The following SNX29 variants were observed in gnomAD, a reference collection of about 807,000 sequenced individuals.
The protein encoded by SNX29 is sorting nexin-29.
A neutral mutation model predicts 102.1 loss-of-function variants in SNX29; 78 were observed. The ratio of observed to expected loss-of-function variants is 0.76; its 90% CI spans 0.64 to 0.92. The LOEUF is 0.92. SNX29 is among the 40% of genes least tolerant of loss of function. SNX29 has a pLI of 0.00. For missense variants in SNX29, 1,280 were observed against 1,061.7 expected (o/e 1.21, Z -2.86); for synonymous variants, 580 against 414.5 (o/e 1.40, Z -4.85).
chr16:12,244,719 A>C (rs1373986518), intron 14 of SNX29, among the ~76,000 whole-genome samples: 1 of 152,206 alleles, frequency 6.6e-6, no homozygotes, highest in Non-Finnish European at 1.5e-5. Context: ...TATCTAAATG[A>C]AGGATGGTTT....
intron 20 of SNX29, among the ~76,000 whole-genome samples, chr16:12,530,779 C>T (rs2076910736): frequency 6.6e-6 from 1 of 152,204 alleles, no homozygotes; most frequent in African/African-American, 2.4e-5. Context: ...GTGTCTCAAA[C>T]TCCTGACCTC....
chr16:12,422,025 C>T (rs1018315794), intron 18 of SNX29, among the ~76,000 whole-genome samples: 3 of 152,194 alleles, frequency 2.0e-5, no homozygotes, highest in African/African-American at 4.8e-5. Flanking sequence ...CGTCAGCCAT[C>T]CATAGCATCA....
intron 18 of SNX29, among the ~76,000 whole-genome samples, chr16:12,474,871 T>A (rs370486832): frequency 4.5e-4 from 68 of 152,344 alleles, no homozygotes; most frequent in African/African-American, 1.4e-3. Context: ...TGCTCATGTT[T>A]TCTCTACTTG....
chr16:12,086,518 CT>C, intron 11 of SNX29, among the ~76,000 whole-genome samples: 1 of 152,210 alleles, frequency 6.6e-6, no homozygotes, highest in South Asian at 2.1e-4. Context: ...TTAAGCGATC[CT>C]CCTGCCTCAG....
chr16:12,544,534 A>G (rs1233025908), intron 20 of SNX29, among the ~76,000 whole-genome samples: 2 of 152,212 alleles, frequency 1.3e-5, no homozygotes, highest in African/African-American at 4.8e-5. Context: ...TGTGTGGCCT[A>G]GGAACATTCT....
intron 14 of SNX29, among the ~76,000 whole-genome samples, chr16:12,268,014 G>A (rs2078979924): frequency 6.6e-6 from 1 of 152,178 alleles, no homozygotes. Context: ...CAGGCCCTTT[G>A]CATTTGCGGT....
At chr16:12,240,581 A>ATT (rs1555495715) in intron 14 of SNX29, among the ~76,000 whole-genome samples, 25 of 30,500 alleles carry the variant, frequency 8.2e-4, no homozygotes, top group Non-Finnish European at 1.3e-3. Flanking sequence ...TTTCTTTGTC[A>ATT]TTTCTTTTTT....
chr16:12,550,994 C>A (rs919210669), intron 20 of SNX29, among the ~76,000 whole-genome samples: 2 of 152,130 alleles, frequency 1.3e-5, no homozygotes, highest in Non-Finnish European at 2.9e-5. Context: ...GTTTCTCAAT[C>A]TAAATATTTC....
rs2079215277 is a variant in SNX29 at position 12,572,771 on chromosome 16, G to T, written c.*4142G>T. 1 of 1,063,952 alleles carries T rather than the reference G, an allele frequency of 9.4e-7. No individual in the cohort carries two copies. The highest frequency in any genetic ancestry group is 4.6e-5 in the South Asian group (1 of 21,978). 65.9% of individuals were successfully genotyped at this position (1,063,952 alleles called of 1,614,324 possible). A position where few individuals can be genotyped will look rare whatever the true frequency, so the allele number is the denominator to read the frequency against. On this transcript the variant is annotated 3_prime_UTR_variant, in exon 21 of 21. Coordinates refer to ENST00000566228, the MANE Select transcript of SNX29 (RefSeq NM_032167.5). ...TTTTCAGCTTCTGGGACCCGAGGAAGACCCCACCTCACTCCTCCTTCCCCA... is the reference window on the plus strand; with the variant it reads ...TTTTCAGCTTCTGGGACCCGAGGAATACCCCACCTCACTCCTCCTTCCCCA...
chr16:12,367,353 C>T (rs1165718768), intron 16 of SNX29: 1 of 152,270 alleles, frequency 6.6e-6, no homozygotes, highest in African/African-American at 2.4e-5. Context: ...TGTTCACTAG[C>T]ACGTTCGATT....
Position 12,351,231 on chromosome 16 carries a change from C to T in SNX29, c.1783-4932C>T, listed in dbSNP as rs189710218. 2.0e-3 allele frequency among the ~76,000 whole-genome samples: 298 copies of T among 152,252 alleles called. 2 individuals carry two copies. Among genetic ancestry groups the T allele is most frequent in the African/African-American group, 6.8e-3 (283 of 41,534 alleles). On this transcript the variant is annotated intron_variant, in intron 15 of 20. Coordinates refer to ENST00000566228, the MANE Select transcript of SNX29 (RefSeq NM_032167.5). The stretch of plus-strand genomic sequence containing the variant: ...TAGTTGGTGCTCCGGAGTGTGTGAA[C>T]GCAAAGTGGGGACTGTCTAGGTTCA...
chr16:12,263,759 T>C (rs1385612418), intron 14 of SNX29, among the ~76,000 whole-genome samples: 2 of 152,222 alleles, frequency 1.3e-5, no homozygotes, highest in Non-Finnish European at 2.9e-5. Flanking sequence ...TGTTGACTGA[T>C]ACATATATAT....
At chr16:12,310,438 C>T (rs1161061842) in intron 15 of SNX29, among the ~76,000 whole-genome samples, 1 of 151,716 alleles carries the variant, frequency 6.6e-6, no homozygotes, top group Admixed American at 6.6e-5. Context: ...TGAAAAGATA[C>T]ACAAGTTGTG....
At chr16:12,427,244 C>A (rs2085117843) in intron 18 of SNX29, among the ~76,000 whole-genome samples, 1 of 151,734 alleles carries the variant, frequency 6.6e-6, no homozygotes, top group African/African-American at 2.4e-5. Flanking sequence ...CTCTGTGTTC[C>A]CTCATCTTCC....
At chr16:12,242,745 C>A (rs2078149484) in intron 14 of SNX29, among the ~76,000 whole-genome samples, 1 of 152,004 alleles carries the variant, frequency 6.6e-6, no homozygotes, top group African/African-American at 2.4e-5. Flanking sequence ...CCTCAACCTA[C>A]CAGGCTCCAG....
Position 12,048,629 on chromosome 16 carries a change from G to C in SNX29, c.748+9G>C, listed in dbSNP as rs1382932715. 6.2e-7 allele frequency: 1 copy of C among 1,613,930 alleles called. No individual in the cohort carries two copies. Among genetic ancestry groups the C allele is most frequent in the African/African-American group, 1.3e-5 (1 of 75,034 alleles). ...CAGGAATGTCAGTGCTGGTGAGTGG[G>C]AACGGGTGCTCGAGGCGGAGCAGAG... On this transcript the variant is annotated intron_variant, in intron 7 of 20. Transcript: ENST00000566228.
chr16:12,146,247 A>AGG, intron 13 of SNX29, among the ~76,000 whole-genome samples: 1 of 151,280 alleles, frequency 6.6e-6, no homozygotes, highest in Non-Finnish European at 1.5e-5. Flanking sequence ...GTGGGATCTC[A>AGG]GGGCAAAGTA....
intron 20 of SNX29, among the ~76,000 whole-genome samples, chr16:12,534,646 G>A (rs970451451): frequency 6.6e-6 from 1 of 152,234 alleles, no homozygotes; most frequent in African/African-American, 2.4e-5. Flanking sequence ...AAATTCACCT[G>A]AAGGAGTTCC....
chr16:12,553,263 G>A (rs1173624017), intron 20 of SNX29, among the ~76,000 whole-genome samples: 1 of 152,196 alleles, frequency 6.6e-6, no homozygotes, highest in South Asian at 2.1e-4. Context: ...CAAGACCACT[G>A]CCGCCTAGGG....
Sources: allele counts gnomAD v4.1 joint callset (sites outside exome capture counted in the v4.1 genomes callset), GRCh38; gene constraint gnomAD v4.1.1; transcripts MANE v1.5; gene names NCBI Gene and HGNC (gene_info 2026-07-23, HGNC 2026-07-21).